Variants in ABHD18 observed in about 807,000 individuals in gnomAD.
ABHD18 encodes abhydrolase domain containing 18, also known as cardiolipin-specific deacylase, mitochondrial.
In ABHD18, 55 loss-of-function variants were observed where a neutral mutation model predicts 65.9. The observed-to-expected ratio is 0.84, with a 90% CI of 0.67 to 1.05. ABHD18 has a LOEUF of 1.05. Among genes scored for constraint, ABHD18 ranks in the 50% least tolerant of loss-of-function variants. The probability of loss-of-function intolerance (pLI) is 0.00; values close to 1 mark genes in which losing one functional copy is unlikely to be tolerated. For synonymous variants in ABHD18, 181 were observed against 180.2 expected (o/e 1.00, Z -0.04); for missense variants, 533 against 558.5 (o/e 0.95, Z 0.46).
intron 12 of ABHD18, chr4:128,031,323 G>T (rs1579481335): frequency 6.2e-6 from 1 of 162,594 alleles, no homozygotes; most frequent in Non-Finnish European, 1.3e-5. Flanking sequence ...AAAAGTAGCC[G>T]GGCATAGGTG....
chr4:127,999,599 C>T (rs1752328746), intron 4 of ABHD18, among the ~76,000 whole-genome samples: 1 of 152,042 alleles, frequency 6.6e-6, no homozygotes, highest in African/African-American at 2.4e-5. Context: ...CTTTTGAAGG[C>T]TGCCTATTTG....
intron 4 of ABHD18, among the ~76,000 whole-genome samples, chr4:127,993,950 G>A (rs1253843332): frequency 6.6e-6 from 1 of 152,152 alleles, no homozygotes; most frequent in Non-Finnish European, 1.5e-5. Context: ...AAATAAGTAG[G>A]AAAATTTTAA....
At chr4:128,021,990 A>G (rs1056414969) in intron 10 of ABHD18, among the ~76,000 whole-genome samples, 2 of 152,210 alleles carry the variant, frequency 1.3e-5, no homozygotes, top group African/African-American at 4.8e-5. Flanking sequence ...TAGAAAACCA[A>G]ACACCGCATG....
At position 128,020,168 on chromosome 4, in the gene ABHD18, C is replaced by T. The variant is rs760477366; in HGVS notation, c.698C>T (p.Thr233Met). The T allele has an allele frequency of 2.1e-5, 34 of 1,609,720 alleles. No homozygotes were observed. Among genetic ancestry groups the T allele is most frequent in the Non-Finnish European group, 2.5e-5 (29 of 1,176,684 alleles). The change falls in exon 9 of 13, where the codon ACG becomes ATG. Residue 233 changes from threonine to methionine, a missense_variant and splice_region_variant. This residue lies in a region of ABHD18 where 309 missense variants were observed against 313.5 expected (regional missense o/e 0.99). Transcript: ENST00000645843. The part of the protein sequence containing the change: ...SWSTASGVFT[T>M]GVLSKSINWR... The stretch of plus-strand genomic sequence containing the variant: ...TCCACAGCATCTGGGGTCTTCACTA[C>T]GGTAATTTAATTGTAATTAATATTA...
chr4:127,996,396 C>T (rs11941287), intron 4 of ABHD18, among the ~76,000 whole-genome samples: 4,444 of 151,758 alleles, frequency 0.029, 202 homozygotes, highest in African/African-American at 0.1. Flanking sequence ...ACCATGATGG[C>T]GACCCCGAGC....
At chr4:128,014,975 G>A (rs185003495) in intron 7 of ABHD18, among the ~76,000 whole-genome samples, 36 of 152,118 alleles carry the variant, frequency 2.4e-4, no homozygotes, top group Admixed American at 9.8e-4. Context: ...TACTCAGGAT[G>A]CTGAGGCAGG....
intron 1 of ABHD18, among the ~76,000 whole-genome samples, chr4:127,981,344 A>C (rs952309207): frequency 6.6e-6 from 1 of 152,190 alleles, no homozygotes; most frequent in African/African-American, 2.4e-5. Context: ...AGAGCCCTTT[A>C]GTTGTTAGCA....
intron 11 of ABHD18, among the ~76,000 whole-genome samples, chr4:128,029,067 GA>G (rs755661748): frequency 3.8e-4 from 58 of 152,048 alleles, no homozygotes; most frequent in Non-Finnish European, 7.4e-4. Flanking sequence ...AAACACACTG[GA>G]CAGCCGGGTG....
chr4:127,984,031 C>T (rs939009071), intron 2 of ABHD18, among the ~76,000 whole-genome samples: 2 of 148,158 alleles, frequency 1.3e-5, no homozygotes, highest in Admixed American at 6.9e-5. Context: ...AGCGAGACTC[C>T]GTCTCAAGGG....
intron 12 of ABHD18, chr4:128,031,298 CAAA>C (rs547911818): frequency 2.5e-4 from 16 of 64,700 alleles, no homozygotes; most frequent in Non-Finnish European, 4.1e-4. Flanking sequence ...AGTAAAAATA[CAAA>C]AAAAAAAAAA....
chr4:128,009,041 A>G, intron 5 of ABHD18, 43 bp downstream of exon 5: 1 of 1,587,672 alleles, frequency 6.3e-7, no homozygotes, highest in Non-Finnish European at 8.6e-7. Flanking sequence ...ATAATTTGTT[A>G]ACATATTCTC....
At chr4:127,970,739 C>T (rs570294111) in intron 1 of ABHD18, among the ~76,000 whole-genome samples, 1 of 151,678 alleles carries the variant, frequency 6.6e-6, no homozygotes, top group African/African-American at 2.4e-5. Flanking sequence ...CTCAGGAGTT[C>T]GAGACTAGCC....
rs1013219119 is a variant in ABHD18, at chr4:128,037,704, C to A, written c.*1891C>A. 5 of 152,226 alleles carry A rather than the reference C, an allele frequency of 3.3e-5. No individual in the cohort carries two copies. The highest frequency in any genetic ancestry group is 9.6e-5 in the African/African-American group (4 of 41,558). 9.4% of individuals were successfully genotyped at this position (152,226 alleles called of 1,614,324 possible). ...GCTTATTCTTTGGATTGCTAACCAT[C>A]TAACTACCCAAATACTTAACAGCCT... On this transcript the variant is annotated 3_prime_UTR_variant, in exon 13 of 13. Coordinates refer to ENST00000645843, the MANE Select transcript of ABHD18 (RefSeq NM_001358451.3).
At chr4:127,973,744 A>T (rs974828263) in intron 1 of ABHD18, among the ~76,000 whole-genome samples, 33 of 147,390 alleles carry the variant, frequency 2.2e-4, no homozygotes, top group Non-Finnish European at 3.1e-4. Flanking sequence ...TGAACTTCCT[A>T]TGAAGAGAGC....
At chr4:128,021,277 G>A in intron 10 of ABHD18, 39 bp downstream of exon 10, 3 of 1,171,218 alleles carry the variant, frequency 2.6e-6, no homozygotes, top group South Asian at 1.4e-5. Flanking sequence ...GGTGGTGGGG[G>A]GAGTTGATTG....
chr4:127,975,710 A>G (rs956964054), intron 1 of ABHD18, among the ~76,000 whole-genome samples: 2 of 152,222 alleles, frequency 1.3e-5, no homozygotes, highest in Non-Finnish European at 1.5e-5. Flanking sequence ...TAGATAGAAT[A>G]TTAATTTTAG....
chr4:127,985,356 C>A (rs1042928635), intron 3 of ABHD18, among the ~76,000 whole-genome samples: 23 of 151,970 alleles, frequency 1.5e-4, no homozygotes, highest in Non-Finnish European at 3.1e-4. Context: ...CGCCTTCAAG[C>A]AAAGTAACTG....
intron 4 of ABHD18, among the ~76,000 whole-genome samples, chr4:127,991,112 C>T (rs953528300): frequency 6.6e-6 from 1 of 152,190 alleles, no homozygotes; most frequent in Admixed American, 6.6e-5. Flanking sequence ...GATCCACCTG[C>T]CTCGCCTCCC....
At chr4:128,034,866 G>C (rs565616689) in intron 12 of ABHD18, among the ~76,000 whole-genome samples, 4 of 152,112 alleles carry the variant, frequency 2.6e-5, no homozygotes, top group Admixed American at 2.0e-4. Flanking sequence ...TGATCAGGCT[G>C]GTCTCAAACT....
Sources: gnomAD v4.1 joint callset for allele counts (sites outside exome capture counted in the v4.1 genomes callset) on GRCh38, gnomAD v4.1.1 for gene constraint, gnomAD v4.1.1 regional missense constraint, MANE v1.5 for transcripts, NCBI Gene and HGNC (gene_info 2026-07-23, HGNC 2026-07-21) for gene names.